EPS15L1: variants seen among roughly 807,000 people sequenced by gnomAD.
EPS15L1 encodes the protein epidermal growth factor receptor substrate 15-like 1.
Under a neutral mutation model 117.1 loss-of-function variants are expected in EPS15L1, and 43 were observed. That is an observed-to-expected ratio of 0.37 (90% confidence interval 0.29 to 0.47). The LOEUF is 0.47. Ranked by LOEUF, EPS15L1 falls within the 20% of genes least tolerant of loss-of-function variation. The pLI is 0.99. For missense variants in EPS15L1, 981 were observed against 1,164.0 expected (o/e 0.84, Z 2.29); for synonymous variants, 459 against 470.5 (o/e 0.98, Z 0.32).
At chr19:16,457,162 T>A (rs2093205682) in intron 1 of EPS15L1, among the ~76,000 whole-genome samples, 1 of 152,142 alleles carries the variant, frequency 6.6e-6, no homozygotes, top group Admixed American at 6.5e-5. Context: ...GCCAGTTCCC[T>A]AAAAACGAAT....
At chr19:16,375,535 G>A (rs966954512) in intron 22 of EPS15L1, among the ~76,000 whole-genome samples, 1 of 152,106 alleles carries the variant, frequency 6.6e-6, no homozygotes, top group African/African-American at 2.4e-5. Context: ...GAGGCCCACT[G>A]CCGTTCCATC....
At chr19:16,427,089 G>A (rs1170653364) in intron 8 of EPS15L1, among the ~76,000 whole-genome samples, 1 of 152,154 alleles carries the variant, frequency 6.6e-6, no homozygotes, top group Non-Finnish European at 1.5e-5. Flanking sequence ...GTGATGGAGG[G>A]AGGGAGGAAG....
intron 1 of EPS15L1, among the ~76,000 whole-genome samples, chr19:16,442,853 C>T (rs1284573372): frequency 1.3e-5 from 2 of 152,232 alleles, no homozygotes; most frequent in Non-Finnish European, 2.9e-5. Flanking sequence ...AGCCCCAAGA[C>T]ATCGCTGTTT....
intron 13 of EPS15L1, among the ~76,000 whole-genome samples, chr19:16,408,533 A>G (rs1227449798): frequency 6.6e-6 from 1 of 152,012 alleles, no homozygotes; most frequent in African/African-American, 2.4e-5. Context: ...GGGGGCACGC[A>G]TCTGCATTCT....
intron 1 of EPS15L1, among the ~76,000 whole-genome samples, chr19:16,458,601 A>G (rs2093218817): frequency 6.6e-6 from 1 of 152,100 alleles, no homozygotes; most frequent in Non-Finnish European, 1.5e-5. Context: ...ACGGAGGCTA[A>G]GGTCCAAGCC....
intron 16 of EPS15L1, among the ~76,000 whole-genome samples, chr19:16,400,054 T>A (rs12461829): frequency 6.6e-6 from 1 of 152,098 alleles, no homozygotes; most frequent in Non-Finnish European, 1.5e-5. Flanking sequence ...AACCCTGACT[T>A]TGGCGGGTGA....
At chr19:16,410,934 AT>A (rs1421218360) in intron 13 of EPS15L1, among the ~76,000 whole-genome samples, 2 of 152,104 alleles carry the variant, frequency 1.3e-5, no homozygotes, top group African/African-American at 4.8e-5. Flanking sequence ...AATGTGCTCC[AT>A]CCACACAATG....
intron 1 of EPS15L1, among the ~76,000 whole-genome samples, chr19:16,457,513 G>C (rs2093209178): frequency 6.6e-6 from 1 of 152,128 alleles, no homozygotes; most frequent in African/African-American, 2.4e-5. Context: ...GGAGGGAGGA[G>C]GCTCCACCAC....
At chr19:16,460,164 C>T (rs1285262786) in intron 1 of EPS15L1, among the ~76,000 whole-genome samples, 2 of 152,094 alleles carry the variant, frequency 1.3e-5, no homozygotes, top group African/African-American at 4.8e-5. Flanking sequence ...TGAGGAGCAC[C>T]TGCAGTCCCA....
Position 16,371,472 on chromosome 19 carries a change from G to C in EPS15L1, c.2380+5650C>G, listed in dbSNP as rs1045929231. Reference sequence around the variant, plus strand: ...AAAGCTGTTCGTTAGTGCAACTGTGGGGAGGGGGCGAAAAGACATGCTCAT... The same window carrying C: ...AAAGCTGTTCGTTAGTGCAACTGTGCGGAGGGGGCGAAAAGACATGCTCAT... On this transcript the variant is annotated intron_variant, in intron 22 of 23. Coordinates refer to ENST00000455140, the MANE Select transcript of EPS15L1 (RefSeq NM_001258374.3). The surrounding 1 kb of genome is among the most constrained non-coding windows in gnomAD (Gnocchi z 4.7). 6.6e-6 allele frequency among the ~76,000 whole-genome samples: 1 copy of C among 152,316 alleles called. No individual in the cohort carries two copies.
At chr19:16,384,294 C>T (rs1351459133) in intron 21 of EPS15L1, 2 of 152,412 alleles carry the variant, frequency 1.3e-5, no homozygotes, top group East Asian at 3.9e-4. Flanking sequence ...GAAAAATGCT[C>T]CTCACTCAAA....
intron 13 of EPS15L1, 34 bp downstream of exon 13, chr19:16,413,739 A>G: frequency 1.9e-6 from 3 of 1,574,516 alleles, no homozygotes; most frequent in Non-Finnish European, 2.6e-6. Flanking sequence ...ATTTAGCACA[A>G]AGTAGATGTA....
chr19:16,366,446 C>T (rs2089356602), intron 22 of EPS15L1, among the ~76,000 whole-genome samples: 1 of 152,064 alleles, frequency 6.6e-6, no homozygotes, highest in Non-Finnish European at 1.5e-5. Flanking sequence ...AGAATTCTGC[C>T]TGCTACCATT....
At chr19:16,435,563 C>T (rs918424380) in intron 6 of EPS15L1, among the ~76,000 whole-genome samples, 2 of 152,124 alleles carry the variant, frequency 1.3e-5, no homozygotes, top group Admixed American at 6.5e-5. Context: ...AAAACCAAGA[C>T]AGAGCCCTCA....
chr19:16,395,219 A>AG, intron 17 of EPS15L1, 125 bp downstream of exon 17: 1 of 872,978 alleles, frequency 1.1e-6, no homozygotes, highest in Non-Finnish European at 1.7e-6. Context: ...AAAAAAAAAA[A>AG]GGCATTCCTT....
intron 1 of EPS15L1, among the ~76,000 whole-genome samples, chr19:16,444,080 A>AC (rs1311007618): frequency 4.0e-5 from 6 of 150,704 alleles, no homozygotes; most frequent in African/African-American, 1.5e-4. Flanking sequence ...AAAAAAAAAA[A>AC]AAAGAAGTGA....
chr19:16,382,114 C>G (rs1365369768), intron 21 of EPS15L1, among the ~76,000 whole-genome samples: 1 of 152,226 alleles, frequency 6.6e-6, no homozygotes. Flanking sequence ...CCGGGGACAC[C>G]TCGGGCCAAG....
At chr19:16,369,009 G>T (rs1048305347) in intron 22 of EPS15L1, among the ~76,000 whole-genome samples, 1 of 152,226 alleles carries the variant, frequency 6.6e-6, no homozygotes, top group African/African-American at 2.4e-5. Flanking sequence ...TTAGCTGCGG[G>T]GAGAGGGGAG....
At position 16,385,166 on chromosome 19, in the gene EPS15L1, C is replaced by T. The variant is rs1246471659; in HGVS notation, c.2210G>A (p.Ser737Asn). The T allele has an allele frequency of 6.2e-7, 1 of 1,614,156 alleles. No individual in the cohort carries two copies. Among genetic ancestry groups the T allele is most frequent in the South Asian group, 1.1e-5 (1 of 91,084 alleles). The change falls in exon 21 of 24, where the codon AGT becomes AAT. Residue 737 changes from serine (S) to asparagine (N), a missense_variant. Physicochemically the swap from Ser to Asn is conservative, Grantham distance 46. Coordinates refer to ENST00000455140, the MANE Select transcript of EPS15L1 (RefSeq NM_001258374.3). ...GCTGAAGTCGGCAAAGCCTTCAGCACTATTGAAGGACCCACTTCCGAAGGG... is the reference window on the plus strand; with the variant it reads ...GCTGAAGTCGGCAAAGCCTTCAGCATTATTGAAGGACCCACTTCCGAAGGG... ...LDPFGSGSFNSAEGFADFSQM... is the reference protein window; with the variant it reads ...LDPFGSGSFNNAEGFADFSQM...
Sources: allele counts gnomAD v4.1 joint callset (sites outside exome capture counted in the v4.1 genomes callset), GRCh38; gene constraint gnomAD v4.1.1; non-coding constraint Gnocchi (gnomAD v3.1); transcripts MANE v1.5; gene names NCBI Gene and HGNC (gene_info 2026-07-23, HGNC 2026-07-21).